Variants in IQCM observed in about 807,000 individuals in gnomAD.
The protein encoded by IQCM is IQ motif containing M.
A neutral mutation model predicts 57.6 loss-of-function variants in IQCM; 45 were observed. That is an observed-to-expected ratio of 0.78 (90% confidence interval 0.62 to 1.00). The LOEUF (loss-of-function observed/expected upper bound fraction) is 1.00. Ranked by LOEUF, IQCM falls within the 50% of genes least tolerant of loss-of-function variation. The pLI is 0.00. For missense variants in IQCM, 468 were observed against 511.6 expected, an observed-to-expected ratio of 0.91 and a Z score of 0.82; for synonymous variants, 148 against 158.9, an observed-to-expected ratio of 0.93 and a Z score of 0.51.
chr4:149,368,976 G>GTATATATATA (rs1229828163), intron 13 of IQCM, among the ~76,000 whole-genome samples: 5 of 33,424 alleles, frequency 1.5e-4, no homozygotes, highest in Non-Finnish European at 2.4e-4. Context: ...ATATATATGT[G>GTATATATATA]TATATATATA....
At chr4:149,556,030 C>T (rs1749549241) in intron 10 of IQCM, among the ~76,000 whole-genome samples, 1 of 152,176 alleles carries the variant, frequency 6.6e-6, no homozygotes, top group Admixed American at 6.5e-5. Flanking sequence ...CAGGCTTTCA[C>T]ATGGAAATAT....
At chr4:149,451,230 TA>T (rs1737087627) in intron 12 of IQCM, among the ~76,000 whole-genome samples, 1 of 151,604 alleles carries the variant, frequency 6.6e-6, no homozygotes, top group Admixed American at 6.6e-5. Flanking sequence ...GATTAATGGG[TA>T]CAAAAAAATA....
chr4:149,779,610 AAT>A (rs1771416217), intron 2 of IQCM, among the ~76,000 whole-genome samples: 1 of 152,204 alleles, frequency 6.6e-6, no homozygotes, highest in Non-Finnish European at 1.5e-5. Flanking sequence ...TAATGGACTA[AAT>A]ATAAAATGTA....
intron 7 of IQCM, among the ~76,000 whole-genome samples, chr4:149,663,247 C>T (rs1760383295): frequency 6.6e-6 from 1 of 151,556 alleles, no homozygotes; most frequent in Non-Finnish European, 1.5e-5. Context: ...GTATGTGTTC[C>T]TCTGCCACTA....
At chr4:149,385,387 A>T (rs2111054686) in intron 13 of IQCM, among the ~76,000 whole-genome samples, 1 of 152,228 alleles carries the variant, frequency 6.6e-6, no homozygotes, top group South Asian at 2.1e-4. Context: ...CAAAGGCAGG[A>T]GTAGACAATT....
intron 13 of IQCM, among the ~76,000 whole-genome samples, chr4:149,417,344 C>T (rs1381812169): frequency 6.6e-6 from 1 of 152,092 alleles, no homozygotes; most frequent in Non-Finnish European, 1.5e-5. Flanking sequence ...GATCTATCTG[C>T]ATGTTCATCT....
At chr4:149,369,156 C>G (rs967208228) in intron 13 of IQCM, among the ~76,000 whole-genome samples, 18 of 150,322 alleles carry the variant, frequency 1.2e-4, no homozygotes, top group Admixed American at 8.0e-4. Context: ...GTGATTCTCC[C>G]GCTTCAGCCT....
At chr4:149,577,499 A>G (rs533594930) in intron 9 of IQCM, among the ~76,000 whole-genome samples, 1 of 152,098 alleles carries the variant, frequency 6.6e-6, no homozygotes, top group Admixed American at 6.6e-5. Context: ...TCCTTTCCCC[A>G]TTGCTTGTTA....
chr4:149,805,466 A>T (rs1356293943), intron 2 of IQCM, among the ~76,000 whole-genome samples: 1 of 152,068 alleles, frequency 6.6e-6, no homozygotes, highest in Non-Finnish European at 1.5e-5. Context: ...AACCAAGAGG[A>T]ACAAACATCC....
At chr4:149,555,540 C>T (rs1245531911) in intron 10 of IQCM, among the ~76,000 whole-genome samples, 1 of 152,186 alleles carries the variant, frequency 6.6e-6, no homozygotes, top group Non-Finnish European at 1.5e-5. Flanking sequence ...ACCCAGGATT[C>T]AGTGTCTGCA....
chr4:149,389,723 G>C (rs1021502801), intron 13 of IQCM, among the ~76,000 whole-genome samples: 2 of 132,008 alleles, frequency 1.5e-5, no homozygotes, highest in Admixed American at 1.6e-4. Context: ...TGGGGGCGGG[G>C]GGAGGGATAG....
At chr4:149,612,807 T>C (rs1450582634) in intron 8 of IQCM, among the ~76,000 whole-genome samples, 1 of 151,990 alleles carries the variant, frequency 6.6e-6, no homozygotes, top group Admixed American at 6.6e-5. Context: ...AAAATTAAAA[T>C]TGGGAAGTTT....
At chr4:149,354,146 C>T (rs914727232) in intron 13 of IQCM, among the ~76,000 whole-genome samples, 3 of 151,280 alleles carry the variant, frequency 2.0e-5, no homozygotes, top group Admixed American at 1.3e-4. Flanking sequence ...GGGTGGATCA[C>T]GAGGTCAGGA....
intron 12 of IQCM, among the ~76,000 whole-genome samples, chr4:149,520,935 G>A (rs1745576585): frequency 6.6e-6 from 1 of 152,078 alleles, no homozygotes; most frequent in Non-Finnish European, 1.5e-5. Flanking sequence ...TCGCTGCTCT[G>A]CTGTGCACAG....
intron 5 of IQCM, among the ~76,000 whole-genome samples, chr4:149,702,256 T>C (rs561367690): frequency 1.0e-3 from 150 of 150,744 alleles, no homozygotes; most frequent in Non-Finnish European, 1.9e-3. Flanking sequence ...ACCTGACGAC[T>C]TCCTTCATTC....
chr4:149,533,712 T>G (rs965050045), intron 12 of IQCM, among the ~76,000 whole-genome samples: 2 of 151,988 alleles, frequency 1.3e-5, no homozygotes, highest in Non-Finnish European at 2.9e-5. Context: ...TAAGCTCTCA[T>G]GAGAACTCAC....
intron 13 of IQCM, among the ~76,000 whole-genome samples, chr4:149,380,325 C>T (rs1490556707): frequency 6.6e-6 from 1 of 152,250 alleles, no homozygotes; most frequent in Non-Finnish European, 1.5e-5. Context: ...ACTCTATACA[C>T]ACAAAGTCCC....
chr4:149,548,357 T>A, intron 12 of IQCM, 98 bp downstream of exon 12: 1 of 993,078 alleles, frequency 1.0e-6, no homozygotes, highest in South Asian at 5.3e-5. Context: ...AGGGAAGGAA[T>A]GAAGAAAGGA....
chr4:149,435,470 C>G (rs940987824), intron 12 of IQCM, among the ~76,000 whole-genome samples: 4 of 151,628 alleles, frequency 2.6e-5, no homozygotes, highest in African/African-American at 9.7e-5. Context: ...GAACATGCAA[C>G]TATTTACATT....
Sources: gnomAD v4.1 joint callset for allele counts (sites outside exome capture counted in the v4.1 genomes callset) on GRCh38, gnomAD v4.1.1 for gene constraint, MANE v1.5 for transcripts, NCBI Gene and HGNC (gene_info 2026-07-23, HGNC 2026-07-21) for gene names.